The following PRSS38 variants were observed in gnomAD, a reference collection of about 807,000 sequenced individuals.
PRSS38 encodes marapsin 2.
A neutral mutation model predicts 26.8 loss-of-function variants in PRSS38; 22 were observed. The observed-to-expected ratio is 0.82, with a 90% confidence interval of 0.59 to 1.17. The LOEUF (loss-of-function observed/expected upper bound fraction) is 1.17. Ranked by LOEUF, PRSS38 falls within the 50% of genes most tolerant of loss-of-function variation. The probability of loss-of-function intolerance (pLI) is 0.00; values close to 1 mark genes in which losing one functional copy is unlikely to be tolerated. For missense variants in PRSS38, 427 were observed against 422.7 expected (o/e 1.01, Z -0.09); for synonymous variants, 175 against 172.1 (o/e 1.02, Z -0.13).
chr1:227,843,035 C>T (rs1275417488), intron 3 of PRSS38, among the ~76,000 whole-genome samples: 3 of 152,236 alleles, frequency 2.0e-5, no homozygotes, highest in African/African-American at 4.8e-5. Context: ...ACTTCACCGT[C>T]TCTAATGAGG....
chr1:227,817,094 C>G (rs1664930863), intron 2 of PRSS38, 115 bp from the exon 3 acceptor site: 2 of 1,108,816 alleles, frequency 1.8e-6, no homozygotes, highest in Non-Finnish European at 2.6e-6. Flanking sequence ...CAGGAAGAAA[C>G]TGGCTTTTCA....
intron 3 of PRSS38, among the ~76,000 whole-genome samples, chr1:227,831,283 A>G (rs1164911576): frequency 6.6e-6 from 1 of 152,124 alleles, no homozygotes. Context: ...TTTTTCTTCA[A>G]AGTTTCTTAA....
intron 3 of PRSS38, among the ~76,000 whole-genome samples, chr1:227,826,030 G>A (rs114756644): frequency 3.9e-5 from 6 of 152,202 alleles, no homozygotes; most frequent in East Asian, 1.9e-4. Context: ...ATGTTTCTCC[G>A]TTTGTTTGTG....
intron 3 of PRSS38, among the ~76,000 whole-genome samples, chr1:227,837,261 G>A (rs1283309199): frequency 6.6e-6 from 1 of 152,174 alleles, no homozygotes; most frequent in East Asian, 1.9e-4. Context: ...TGACAAATCC[G>A]CCTTGCCAAG....
chr1:227,826,328 G>C (rs1558233977), intron 3 of PRSS38, among the ~76,000 whole-genome samples: 1 of 152,174 alleles, frequency 6.6e-6, no homozygotes, highest in Non-Finnish European at 1.5e-5. Context: ...CATCTGCAAA[G>C]ATAATTTGAC....
intron 3 of PRSS38, among the ~76,000 whole-genome samples, chr1:227,839,581 C>A (rs556879223): frequency 6.6e-5 from 10 of 151,838 alleles, no homozygotes; most frequent in African/African-American, 2.4e-4. Context: ...TGCATTTGAG[C>A]AACTTTCTCA....
chr1:227,825,544 T>C (rs1358348582), intron 3 of PRSS38, among the ~76,000 whole-genome samples: 1 of 152,152 alleles, frequency 6.6e-6, no homozygotes, highest in Non-Finnish European at 1.5e-5. Flanking sequence ...CCATCTTGAG[T>C]TAATTTTTGT....
chr1:227,841,720 A>G (rs1202669730), intron 3 of PRSS38, among the ~76,000 whole-genome samples: 1 of 152,212 alleles, frequency 6.6e-6, no homozygotes, highest in Non-Finnish European at 1.5e-5. Context: ...ACCCAAAACC[A>G]GGACCACCCA....
intron 3 of PRSS38, among the ~76,000 whole-genome samples, chr1:227,831,841 G>A (rs1665157556): frequency 1.3e-5 from 2 of 152,020 alleles, no homozygotes; most frequent in Non-Finnish European, 2.9e-5. Context: ...GACAGAGCGA[G>A]ACTCCATCTC....
rs61741627 is a variant in PRSS38 at position 227,845,516 on chromosome 1, G to A, written c.630G>A (p.Leu210=). The A allele has an allele frequency of 4.9e-4, 795 of 1,613,328 alleles. 6 individuals are homozygous for A. Among genetic ancestry groups the A allele is most frequent in the Admixed American group, 2.2e-3 (133 of 59,996 alleles). The change falls in exon 4 of 5, where the codon CTG becomes CTA. Residue 210 remains leucine (L), a synonymous_variant. Coordinates refer to ENST00000366757, the Ensembl canonical transcript of PRSS38. The stretch of plus-strand genomic sequence containing the variant: ...AGGAGATGCAGCTCCCGCTGATCCT[G>A]GAGCCCTGGTGCCACCTGCTCTACG...
chr1:227,845,910 G>T (rs1277025759), intron 4 of PRSS38, 44 bp from the exon 5 acceptor site: 3 of 1,606,472 alleles, frequency 1.9e-6, no homozygotes, highest in Non-Finnish European at 1.7e-6. Flanking sequence ...GAGGCGGCAG[G>T]CCTGGGACTC....
chr1:227,845,831 A>AG (rs987802899), intron 4 of PRSS38, 123 bp from the exon 5 acceptor site: 1 of 1,382,334 alleles, frequency 7.2e-7, no homozygotes, highest in Non-Finnish European at 9.9e-7. Context: ...GCTGGGTGAG[A>AG]GGGGGGCACT....
In PRSS38 at chr1:227,816,314, G is replaced by T; in HGVS notation, c.311+62G>T. 1 of 1,528,856 alleles carries T rather than the reference G, an allele frequency of 6.5e-7. No individual in the cohort carries two copies. 94.7% of individuals were successfully genotyped at this position (1,528,856 alleles called of 1,614,324 possible). A position where few individuals can be genotyped will look rare whatever the true frequency, so the allele number is the denominator to read the frequency against. On this transcript the variant is annotated intron_variant, in intron 2 of 4. Transcript: ENST00000366757. This position sits in a 1 kb window ranked among gnomAD's most constrained non-coding sequence, Gnocchi z 5.1. ...GGGCCTGCACGGAGTGCCCACAGCG[G>T]CTTGGATGGACCCCACGCAAGCCTC...
intron 3 of PRSS38, among the ~76,000 whole-genome samples, chr1:227,822,431 A>C (rs1386788207): frequency 6.6e-6 from 1 of 151,988 alleles, no homozygotes; most frequent in Non-Finnish European, 1.5e-5. Flanking sequence ...GTTGAGTTTT[A>C]TACTTTTGAA....
At chr1:227,827,987 T>C (rs555303879) in intron 3 of PRSS38, among the ~76,000 whole-genome samples, 1 of 152,356 alleles carries the variant, frequency 6.6e-6, no homozygotes, top group South Asian at 2.1e-4. Context: ...AATTTCCATG[T>C]AGTTGTGTGG....
chr1:227,826,749 C>G (rs1352785612), intron 3 of PRSS38, among the ~76,000 whole-genome samples: 1 of 151,846 alleles, frequency 6.6e-6, no homozygotes, highest in African/African-American at 2.4e-5. Flanking sequence ...AGAGGGCATT[C>G]TCTTGTGACG....
In PRSS38 at chr1:227,821,815, A is replaced by T. The variant is rs1032861841; in HGVS notation, c.583+4335A>T. ...ATTATAATGTGTCTTGTTGGGGGTT[A>T]TTTGAGTTTATAATACTTGAAGTTT... On this transcript the variant is annotated intron_variant, in intron 3 of 4. Transcript: ENST00000366757. Among the ~76,000 whole-genome samples, 6 of 152,132 alleles carry T rather than the reference A, an allele frequency of 3.9e-5. No homozygotes were observed. In the East Asian group the frequency reaches 1.2e-3, roughly 29 times the overall value.
chr1:227,846,359 A>T, exon 5 of PRSS38: 3 of 1,021,052 alleles, frequency 2.9e-6, no homozygotes, highest in Non-Finnish European at 4.2e-6. Context: ...GGAGGTGATG[A>T]GCAAGTGTAC....
At position 227,815,860 on chromosome 1, in the gene PRSS38, C is replaced by T. The variant is rs201542394; in HGVS notation, c.144C>T (p.Ser48=). 31 of 1,604,228 alleles carry T rather than the reference C, an allele frequency of 1.9e-5. No individual in the cohort carries two copies. The South Asian group carries it at 2.0e-4, about 10-fold the overall frequency. The change falls in exon 1 of 5, where the codon AGC becomes AGT. Residue 48 remains serine, a synonymous_variant. Coordinates refer to ENST00000366757, the Ensembl canonical transcript of PRSS38. ...ACCAGGGAATCTCCCTAACTGGCAG[C>T]GTGGGTAGGCCCTGCCCCAGGGGCG...
Sources: allele counts gnomAD v4.1 joint callset (sites outside exome capture counted in the v4.1 genomes callset), GRCh38; gene constraint gnomAD v4.1.1; non-coding constraint Gnocchi (gnomAD v3.1); transcripts MANE v1.5; gene names NCBI Gene and HGNC (gene_info 2026-07-23, HGNC 2026-07-21).